The following RARB variants were observed in gnomAD, a reference collection of about 807,000 sequenced individuals.
RARB encodes the protein HBV-activated protein.
In RARB, 17 loss-of-function variants were observed where a neutral mutation model predicts 51.9. The ratio of observed to expected loss-of-function variants is 0.33; its 90% CI spans 0.22 to 0.49. RARB has a LOEUF of 0.49. Among genes scored for constraint, RARB ranks in the 20% least tolerant of loss-of-function variants. RARB has a pLI of 0.99. For synonymous variants in RARB, 215 were observed against 195.4 expected (o/e 1.10, Z -0.84); for missense variants, 369 against 550.8 (o/e 0.67, Z 3.30).
chr3:25,080,296 A>T (rs558828848), intron 3 of RARB, among the ~76,000 whole-genome samples: 7 of 152,358 alleles, frequency 4.6e-5, no homozygotes, highest in African/African-American at 1.7e-4. Flanking sequence ...ATATTAAATT[A>T]TCTTTGTATA....
At chr3:25,583,775 A>G (rs1428774056) in intron 5 of RARB, among the ~76,000 whole-genome samples, 1 of 152,240 alleles carries the variant, frequency 6.6e-6, no homozygotes, top group Non-Finnish European at 1.5e-5. Context: ...TTCTGAGGCC[A>G]CACTTTGAGT....
At chr3:25,338,144 C>G (rs1450973995) in intron 5 of RARB, among the ~76,000 whole-genome samples, 1 of 146,710 alleles carries the variant, frequency 6.8e-6, no homozygotes, top group Non-Finnish European at 1.5e-5. Flanking sequence ...CAGAATTAAG[C>G]AAAGTACCAA....
intron 3 of RARB, among the ~76,000 whole-genome samples, chr3:25,541,026 G>A (rs971972228): frequency 2.6e-5 from 4 of 152,126 alleles, no homozygotes; most frequent in Admixed American, 1.3e-4. Context: ...TGTGGCCTGT[G>A]GGCCAAATCT....
At position 25,562,359 on chromosome 3, in the gene RARB, T is replaced by G. The variant is rs539218701; in HGVS notation, c.449-7399T>G. Among the ~76,000 whole-genome samples the G allele has an allele frequency of 7.9e-5, 12 of 152,338 alleles. No homozygotes were observed. The East Asian group carries it at 1.2e-3, about 15-fold the overall frequency. On this transcript the variant is annotated intron_variant, in intron 3 of 7. Coordinates refer to ENST00000330688, the MANE Select transcript of RARB (RefSeq NM_000965.5). ...CCACAGTGTCTTTAATTTCCTTTTT[T>G]TAACATTCAGTTTTATGCCATAAAT...
At chr3:25,267,100 C>A (rs1703144625) in intron 5 of RARB, among the ~76,000 whole-genome samples, 1 of 152,170 alleles carries the variant, frequency 6.6e-6, no homozygotes, top group African/African-American at 2.4e-5. Context: ...AGAAAACTTC[C>A]CACAAGTGAT....
rs1421841913 is a variant in RARB, at chr3:25,483,073, C to T, written c.307-18109C>T. Among the ~76,000 whole-genome samples the T allele has an allele frequency of 2.6e-5, 4 of 152,264 alleles. No homozygotes were observed. In the East Asian group the frequency reaches 7.7e-4, roughly 29 times the overall value. ...AATAGCTACATGTGGCTAGTGGCTACTGTAGTGGACAGAACAGCCCTGGAT... is the reference window on the plus strand; with the variant it reads ...AATAGCTACATGTGGCTAGTGGCTATTGTAGTGGACAGAACAGCCCTGGAT... On this transcript the variant is annotated intron_variant, in intron 2 of 7. Coordinates refer to ENST00000330688, the MANE Select transcript of RARB (RefSeq NM_000965.5).
At chr3:25,377,288 T>A (rs986077611) in intron 5 of RARB, among the ~76,000 whole-genome samples, 1 of 152,194 alleles carries the variant, frequency 6.6e-6, no homozygotes, top group East Asian at 1.9e-4. Context: ...CCAACCCATA[T>A]TGAAAAGGGG....
intron 2 of RARB, among the ~76,000 whole-genome samples, chr3:24,889,900 G>T (rs1039666133): frequency 6.8e-6 from 1 of 146,024 alleles, no homozygotes; most frequent in African/African-American, 2.6e-5. Flanking sequence ...CAGGATAAGA[G>T]CAGGCATGAA....
chr3:25,240,302 A>G (rs66939282), intron 5 of RARB, among the ~76,000 whole-genome samples: 15,448 of 152,114 alleles, frequency 0.1, 992 homozygotes, highest in South Asian at 0.26. Flanking sequence ...CTCATTTTCA[A>G]TTTGGATGCA....
At chr3:25,545,061 A>C (rs1359146999) in intron 3 of RARB, among the ~76,000 whole-genome samples, 2 of 152,120 alleles carry the variant, frequency 1.3e-5, no homozygotes, top group Non-Finnish European at 2.9e-5. Context: ...GTCCAGGTTC[A>C]GGTGATCCGC....
chr3:25,267,298 G>A (rs1335924228), intron 5 of RARB, among the ~76,000 whole-genome samples: 2 of 152,176 alleles, frequency 1.3e-5, no homozygotes, highest in East Asian at 3.9e-4. Flanking sequence ...TAAGGAAATG[G>A]TGGGAACACA....
chr3:25,550,379 G>T (rs528898658), intron 3 of RARB, among the ~76,000 whole-genome samples: 20 of 152,206 alleles, frequency 1.3e-4, no homozygotes, highest in Admixed American at 5.9e-4. Flanking sequence ...AGTTCTGAAG[G>T]CTGGGAAGTC....
chr3:25,278,625 C>T (rs1411550979), intron 5 of RARB, among the ~76,000 whole-genome samples: 1 of 152,128 alleles, frequency 6.6e-6, no homozygotes, highest in Non-Finnish European at 1.5e-5. Flanking sequence ...TGATAGATAC[C>T]TTGAACTGGT....
intron 2 of RARB, among the ~76,000 whole-genome samples, chr3:25,033,288 G>T (rs1055052582): frequency 2.0e-5 from 3 of 152,090 alleles, no homozygotes; most frequent in Admixed American, 6.6e-5. Flanking sequence ...TAAAGTAGGG[G>T]TCACTCATCT....
chr3:24,860,436 TACA>T lies in RARB; in HGVS notation c.-380+1685_-380+1687del, dbSNP rs1166035546. Among the ~76,000 whole-genome samples, 5 of 152,302 alleles carry T rather than the reference TACA, an allele frequency of 3.3e-5. No individual in the cohort carries two copies. In the East Asian group the frequency reaches 9.7e-4, roughly 29 times the overall value. The stretch of plus-strand genomic sequence containing the variant: ...CAGGTCATTTGGCAGAAGGTTTCTT[TACA>T]TTCTGCTTTTATTGCTTCTCTGTGA... On this transcript the variant is annotated intron_variant, in intron 2 of 11. Coordinates refer to the RARB transcript ENST00000383772.
chr3:25,570,628 G>A (rs1700671500), intron 4 of RARB, among the ~76,000 whole-genome samples: 1 of 152,216 alleles, frequency 6.6e-6, no homozygotes. Context: ...GGCTGGTCTA[G>A]GTTGTGCCAG....
rs377739899 is a variant in RARB, at chr3:25,200,807, G to C, written c.178+26232G>C. ...TTCTGTTCCATTGATCTATATCTCT[G>C]TTTTGGTACCAGTACCATACTGTTT... On this transcript the variant is annotated intron_variant, in intron 5 of 11. Transcript: ENST00000383772. Among the ~76,000 whole-genome samples, 432 of 152,240 alleles carry C rather than the reference G, an allele frequency of 2.8e-3. 2 individuals carry two copies. The highest frequency in any genetic ancestry group is 4.5e-3 in the Non-Finnish European group (306 of 68,022).
intron 7 of RARB, among the ~76,000 whole-genome samples, chr3:25,595,302 C>T (rs773877817): frequency 6.6e-6 from 1 of 151,734 alleles, no homozygotes; most frequent in Non-Finnish European, 1.5e-5. Flanking sequence ...GGGCTATTGT[C>T]ATTCTCCTTT....
intron 1 of RARB, among the ~76,000 whole-genome samples, chr3:24,852,980 T>A (rs1435198175): frequency 2.0e-5 from 3 of 152,090 alleles, no homozygotes; most frequent in Admixed American, 6.6e-5. Context: ...TGCTGGTGAA[T>A]TGTATGGTAT....
Sources: allele counts gnomAD v4.1 joint callset (sites outside exome capture counted in the v4.1 genomes callset), GRCh38; gene constraint gnomAD v4.1.1; transcripts MANE v1.5; gene names NCBI Gene and HGNC (gene_info 2026-07-23, HGNC 2026-07-21).